GNL3L: variants seen among roughly 807,000 people sequenced by gnomAD.
The protein encoded by GNL3L is guanine nucleotide-binding protein-like 3-like protein.
GNL3L carries 4 observed loss-of-function variants against 42.9 expected under a neutral mutation model. That is an observed-to-expected ratio of 0.09 (90% confidence interval 0.05 to 0.21). The LOEUF is 0.21. GNL3L is among the 10% of genes least tolerant of loss of function. GNL3L has a pLI of 1.00. For missense variants in GNL3L, 412 were observed against 481.7 expected, an observed-to-expected ratio of 0.86 and a Z score of 1.36; for synonymous variants, 159 against 176.3, an observed-to-expected ratio of 0.90 and a Z score of 0.78.
chrX:54,536,784 C>CAAAAA (rs767387515), intron 2 of GNL3L, among the ~76,000 whole-genome samples: 1 of 37,147 alleles, frequency 2.7e-5, no homozygotes. Context: ...GACTTTGTCT[C>CAAAAA]AAAAAAAAAA....
chrX:54,631,345 CACTATT>C, the GNL3L span, among the ~76,000 whole-genome samples: 1 of 110,625 alleles, frequency 9.0e-6, no homozygotes, highest in East Asian at 2.8e-4. Context: ...CAAAGTCCCT[CACTATT>C]ACTATGTTGC....
intron 16 of GNL3L, among the ~76,000 whole-genome samples, chrX:54,584,785 C>G (rs774252724): frequency 8.9e-6 from 1 of 112,361 alleles, no homozygotes; most frequent in African/African-American, 3.2e-5. Context: ...AATGGCTTTA[C>G]CAATTTCCAT....
rs567172499 is a variant in GNL3L, at chrX:54,564,402, C to CTTTTT, written c.*3816_*3820dup. Among the ~76,000 whole-genome samples, 43 of 80,783 alleles carry CTTTTT rather than the reference C, an allele frequency of 5.3e-4. No homozygotes were observed. Among genetic ancestry groups the CTTTTT allele is most frequent in the South Asian group, 1.3e-3 (2 of 1,544 alleles). 70.2% of individuals were successfully genotyped at this position (80,783 alleles called of 115,157 possible). On this transcript the variant is annotated 3_prime_UTR_variant, in exon 16 of 16. Transcript: ENST00000360845. ...AGTCACTGGTTTTTTTCTTCGTTCTCTTTTTTTTTTTTTTTTTTTTGAGAC... is the reference window on the plus strand; with the variant it reads ...AGTCACTGGTTTTTTTCTTCGTTCTCTTTTTTTTTTTTTTTTTTTTTTTTTGAGAC...
intron 14 of GNL3L, among the ~76,000 whole-genome samples, chrX:54,555,930 G>A (rs1248949871): frequency 9.1e-6 from 1 of 110,166 alleles, no homozygotes; most frequent in Non-Finnish European, 1.9e-5. Flanking sequence ...GACTCCTAGA[G>A]GTTTTTTCAG....
At chrX:54,536,164 G>T (rs1924416923) in intron 2 of GNL3L, among the ~76,000 whole-genome samples, 1 of 106,634 alleles carries the variant, frequency 9.4e-6, no homozygotes, top group African/African-American at 3.4e-5. Flanking sequence ...CTGACCTCAA[G>T]TCAGGCATCC....
In GNL3L at chrX:54,572,804, G is replaced by T. The variant is rs185441064; in HGVS notation, c.*45+12157G>T. On this transcript the variant is annotated intron_variant, in intron 16 of 16. Coordinates refer to the GNL3L transcript ENST00000674498. ...ACTTCTCAGACGGGGCAGCTGCCGGGCGGAGGGTCTCCTCACTTCTCAGGC... is the reference window on the plus strand; with the variant it reads ...ACTTCTCAGACGGGGCAGCTGCCGGTCGGAGGGTCTCCTCACTTCTCAGGC... Among the ~76,000 whole-genome samples, 466 of 108,872 alleles carry T rather than the reference G, an allele frequency of 4.3e-3. 23 individuals are homozygous for T. In the East Asian group the frequency reaches 0.11, roughly 25 times the overall value. The allele number at this position is 108,872 out of a possible 115,157, so 94.5% of individuals were successfully genotyped here.
the GNL3L span, among the ~76,000 whole-genome samples, chrX:54,644,060 G>T: frequency 8.9e-6 from 1 of 112,083 alleles, no homozygotes; most frequent in Non-Finnish European, 1.9e-5. Context: ...ATATTGAATA[G>T]TGCTACAATA....
At position 54,542,911 on chromosome X, in the gene GNL3L, T is replaced by A. The variant is rs759784443; in HGVS notation, c.307-44T>A. The A allele has an allele frequency of 5.1e-5, 42 of 821,683 alleles. No individual in the cohort carries two copies. The East Asian group carries it at 1.3e-3, about 25-fold the overall frequency. The allele number at this position is 821,683 out of a possible 1,213,427, so 67.7% of individuals were successfully genotyped here. ...AGCCCTGCTTCTCTTTCTCGCTCTC[T>A]CCCCCTCCTCCCCTGGACCATTCTC... On this transcript the variant is annotated intron_variant, in intron 5 of 15. Coordinates refer to ENST00000360845, the MANE Select transcript of GNL3L (RefSeq NM_001184819.2).
the GNL3L span, among the ~76,000 whole-genome samples, chrX:54,644,056 A>G: frequency 1.8e-5 from 2 of 112,294 alleles, no homozygotes; most frequent in South Asian, 7.3e-4. Flanking sequence ...GACTATATTG[A>G]ATAGTGCTAC....
chrX:54,641,120 G>A, the GNL3L span, among the ~76,000 whole-genome samples: 2 of 110,834 alleles, frequency 1.8e-5, no homozygotes, highest in African/African-American at 3.3e-5. Context: ...GCATACATAC[G>A]GATAAACAAC....
intron 16 of GNL3L, among the ~76,000 whole-genome samples, chrX:54,606,999 T>C (rs757116027): frequency 0.017 from 359 of 20,698 alleles, 3 homozygotes; most frequent in Non-Finnish European, 0.025. Context: ...TCCTTTCCTT[T>C]CTTTCTTTCT....
At chrX:54,548,194 A>G in intron 8 of GNL3L, 35 bp from the exon 9 acceptor site, 3 of 1,177,808 alleles carry the variant, frequency 2.5e-6, no homozygotes, top group Non-Finnish European at 3.5e-6. Context: ...CTGCCACCTG[A>G]TGTCTCTTCT....
intron 16 of GNL3L, among the ~76,000 whole-genome samples, chrX:54,604,402 C>T (rs1926035531): frequency 9.0e-6 from 1 of 111,660 alleles, no homozygotes; most frequent in African/African-American, 3.3e-5. Context: ...CCAGGACCTA[C>T]CTATGTGGGC....
chrX:54,541,140 C>T (rs1924599760), intron 4 of GNL3L, 133 bp from the exon 5 acceptor site: 2 of 460,618 alleles, frequency 4.3e-6, no homozygotes, highest in Non-Finnish European at 7.7e-6. Flanking sequence ...CTCCTGATGT[C>T]ATATCTTCCC....
At chrX:54,581,050 G>A (rs934876885) in intron 16 of GNL3L, among the ~76,000 whole-genome samples, 30 of 111,507 alleles carry the variant, frequency 2.7e-4, no homozygotes, top group African/African-American at 9.5e-4. Context: ...CACAGTGCTG[G>A]GATTACAGGT....
intron 16 of GNL3L, among the ~76,000 whole-genome samples, chrX:54,572,595 C>A (rs1301218942): frequency 9.1e-6 from 1 of 109,882 alleles, no homozygotes; most frequent in Non-Finnish European, 1.9e-5. Context: ...GGCAGAGGCG[C>A]CCCTCACCTC....
the GNL3L span, among the ~76,000 whole-genome samples, chrX:54,643,986 A>G: frequency 2.7e-5 from 3 of 112,468 alleles, no homozygotes; most frequent in South Asian, 3.6e-4. Flanking sequence ...TTATGTATAT[A>G]TACCACATTT....
intron 16 of GNL3L, among the ~76,000 whole-genome samples, chrX:54,586,180 G>A (rs986976421): frequency 1.8e-5 from 2 of 111,077 alleles, no homozygotes; most frequent in Non-Finnish European, 3.8e-5. Flanking sequence ...TGGATCTGGG[G>A]GAGACTCTCC....
At chrX:54,575,789 A>T (rs1925626612) in intron 16 of GNL3L, among the ~76,000 whole-genome samples, 2 of 111,854 alleles carry the variant, frequency 1.8e-5, no homozygotes, top group Non-Finnish European at 3.8e-5. Context: ...GCATGCCTGT[A>T]ATCCCAGCAA....
Sources: gnomAD v4.1 joint callset for allele counts (sites outside exome capture counted in the v4.1 genomes callset) on GRCh38, gnomAD v4.1.1 for gene constraint, MANE v1.5 for transcripts, NCBI Gene and HGNC (gene_info 2026-07-23, HGNC 2026-07-21) for gene names.